The following SLC14A2 variants were observed in gnomAD, a reference collection of about 807,000 sequenced individuals.
SLC14A2 encodes solute carrier family 14 member 2, also known as urea transporter 2.
A neutral mutation model predicts 104.6 loss-of-function variants in SLC14A2; 91 were observed. The ratio of observed to expected loss-of-function variants is 0.87; its 90% CI spans 0.73 to 1.04. SLC14A2 has a LOEUF of 1.04. SLC14A2 is among the 50% of genes least tolerant of loss of function. The pLI, the probability that SLC14A2 is intolerant of heterozygous loss-of-function variation, is 0.00. For synonymous variants in SLC14A2, 476 were observed against 466.4 expected, an observed-to-expected ratio of 1.02 and a Z score of -0.27; for missense variants, 1,189 against 1,156.0, an observed-to-expected ratio of 1.03 and a Z score of -0.41.
At chr18:45,182,074 A>G in the SLC14A2 span, among the ~76,000 whole-genome samples, 1 of 142,062 alleles carries the variant, frequency 7.0e-6, no homozygotes, top group African/African-American at 2.5e-5. Context: ...TTATTAAGCA[A>G]TAAGAAATGA....
At chr18:45,550,209 G>A (rs372359257) in intron 2 of SLC14A2, 2 of 152,138 alleles carry the variant, frequency 1.3e-5, no homozygotes, top group Non-Finnish European at 2.9e-5. Context: ...CTTGGGGTGG[G>A]AGTCTCTTGC....
chr18:45,673,864 T>C (rs1440235529), intron 18 of SLC14A2, 47 bp downstream of exon 18: 4 of 1,582,956 alleles, frequency 2.5e-6, no homozygotes, highest in East Asian at 2.3e-5. Context: ...AAAGGCTTTT[T>C]ACATAAAACT....
intron 2 of SLC14A2, among the ~76,000 whole-genome samples, chr18:45,563,845 C>G (rs1453658738): frequency 6.6e-6 from 1 of 152,214 alleles, no homozygotes; most frequent in African/African-American, 2.4e-5. Flanking sequence ...CAATTTGTCA[C>G]TGGTAATGCC....
chr18:45,254,195 C>T (rs1457503018), intron 1 of SLC14A2, among the ~76,000 whole-genome samples: 1 of 152,188 alleles, frequency 6.6e-6, no homozygotes, highest in Non-Finnish European at 1.5e-5. Flanking sequence ...GGCCATGTGC[C>T]TCCTCAAAGA....
chr18:45,250,837 A>T (rs78840244), intron 1 of SLC14A2, among the ~76,000 whole-genome samples: 11,293 of 145,756 alleles, frequency 0.077, 479 homozygotes, highest in African/African-American at 0.094. Context: ...TTTCCTGAAT[A>T]GAAAGCCAGT....
chr18:45,217,092 T>C (rs1266560958), intron 1 of SLC14A2, among the ~76,000 whole-genome samples: 2 of 151,976 alleles, frequency 1.3e-5, no homozygotes, highest in Non-Finnish European at 2.9e-5. Context: ...CTCTGTAGAT[T>C]CAAAACCCAA....
intron 9 of SLC14A2, 108 bp downstream of exon 9, chr18:45,643,289 T>C: frequency 1.1e-6 from 1 of 950,520 alleles, no homozygotes. Context: ...TAATGGTAGC[T>C]GGTGCTCACA....
chr18:45,641,146 TC>T, intron 7 of SLC14A2, 62 bp from the exon 8 acceptor site: 1 of 1,582,236 alleles, frequency 6.3e-7, no homozygotes, highest in South Asian at 1.1e-5. Flanking sequence ...CTGGCACCAG[TC>T]CCAGGGTGGT....
intron 1 of SLC14A2, among the ~76,000 whole-genome samples, chr18:45,360,588 A>G (rs2085600742): frequency 6.6e-6 from 1 of 152,224 alleles, no homozygotes; most frequent in Non-Finnish European, 1.5e-5. Context: ...AGGATGGGAC[A>G]TGTCTTGTGT....
intron 1 of SLC14A2, among the ~76,000 whole-genome samples, chr18:45,380,750 T>C (rs1302590605): frequency 6.6e-6 from 1 of 152,196 alleles, no homozygotes; most frequent in East Asian, 1.9e-4. Flanking sequence ...TTATGTCCAA[T>C]AGGAGAGTAA....
chr18:45,405,614 A>C (rs1453875199), intron 1 of SLC14A2, among the ~76,000 whole-genome samples: 5 of 152,194 alleles, frequency 3.3e-5, no homozygotes, highest in Non-Finnish European at 5.9e-5. Flanking sequence ...AAATCATGCT[A>C]TCAATTGGCC....
chr18:45,236,529 A>G lies in SLC14A2; in HGVS notation c.-125+23338A>G, dbSNP rs374186036. 3.4e-3 allele frequency among the ~76,000 whole-genome samples: 343 copies of G among 101,780 alleles called. 45 individuals carry two copies. The South Asian group carries it at 0.038, about 11-fold the overall frequency. The allele number at this position is 101,780 out of a possible 152,430, so 66.8% of individuals were successfully genotyped here. ...TGTATGTGTGTATATATGTGTATAT[A>G]TGTATATATACATGTATGTGTGTAT... is the stretch of plus-strand genomic sequence containing the variant. On this transcript the variant is annotated intron_variant, in intron 1 of 20. Coordinates refer to the SLC14A2 transcript ENST00000586448.
At chr18:45,423,679 A>T (rs1488208958) in intron 1 of SLC14A2, 7 of 152,194 alleles carry the variant, frequency 4.6e-5, no homozygotes, top group Non-Finnish European at 8.8e-5. Flanking sequence ...AAATCTTTTT[A>T]AAAAAATAAT....
chr18:45,248,835 C>G (rs899406708), intron 1 of SLC14A2, among the ~76,000 whole-genome samples: 1 of 152,170 alleles, frequency 6.6e-6, no homozygotes, highest in Non-Finnish European at 1.5e-5. Flanking sequence ...GGTCAAAATT[C>G]TCCTCTCTCT....
In SLC14A2 at chr18:45,235,893, GTGTA is replaced by G. The variant is rs1239873784; in HGVS notation, c.-125+22712_-125+22715del. On this transcript the variant is annotated intron_variant, in intron 1 of 20. Coordinates refer to the SLC14A2 transcript ENST00000586448. Reference sequence around the variant, plus strand: ...TATATATGTATATATACATATATGTGTGTATGTATGTATATATACATATATGTGT... The same window carrying G: ...TATATATGTATATATACATATATGTGTGTATGTATATATACATATATGTGT... Among the ~76,000 whole-genome samples the G allele has an allele frequency of 9.2e-5, 11 of 118,982 alleles. 2 individuals carry two copies. Among genetic ancestry groups the G allele is most frequent in the African/African-American group, 2.0e-4 (6 of 29,312 alleles). The allele number at this position is 118,982 out of a possible 152,430, so 78.1% of individuals were successfully genotyped here.
intron 1 of SLC14A2, among the ~76,000 whole-genome samples, chr18:45,357,947 T>G (rs560473411): frequency 1.4e-4 from 21 of 152,158 alleles, no homozygotes; most frequent in Non-Finnish European, 2.8e-4. Context: ...TCAGCACAGA[T>G]GAGCTGGCAA....
upstream of SLC14A2, among the ~76,000 whole-genome samples, chr18:45,610,915 A>T (rs2044961843): frequency 6.6e-6 from 1 of 152,240 alleles, no homozygotes; most frequent in Non-Finnish European, 1.5e-5. Context: ...CTTCTTGTAC[A>T]GAAAATGTGT....
At chr18:45,351,350 C>T (rs921114479) in intron 1 of SLC14A2, among the ~76,000 whole-genome samples, 1 of 151,916 alleles carries the variant, frequency 6.6e-6, no homozygotes, top group Admixed American at 6.6e-5. Context: ...ACTTATGCAC[C>T]GTTTTTTGTT....
At chr18:45,558,860 G>T (rs765200007) in intron 2 of SLC14A2, among the ~76,000 whole-genome samples, 3 of 151,986 alleles carry the variant, frequency 2.0e-5, no homozygotes, top group Non-Finnish European at 2.9e-5. Flanking sequence ...ACACGATCTC[G>T]GCTCACTGCA....
Sources: gnomAD v4.1 joint callset for allele counts (sites outside exome capture counted in the v4.1 genomes callset) on GRCh38, gnomAD v4.1.1 for gene constraint, MANE v1.5 for transcripts, NCBI Gene and HGNC (gene_info 2026-07-23, HGNC 2026-07-21) for gene names.